Variants in FGD4 observed in about 807,000 individuals in gnomAD.
FGD4 encodes the protein FYVE, RhoGEF and PH domain containing 4, also known as FYVE, RhoGEF and PH domain-containing protein 4.
In FGD4, 42 loss-of-function variants were observed where a neutral mutation model predicts 102.0. That is an observed-to-expected ratio of 0.41 (90% CI 0.32 to 0.53). FGD4 has a LOEUF of 0.53. Ranked by LOEUF, FGD4 falls within the 20% of genes least tolerant of loss-of-function variation. The probability of loss-of-function intolerance (pLI) is 0.21; values close to 1 mark genes in which losing one functional copy is unlikely to be tolerated. For synonymous variants in FGD4, 380 were observed against 375.7 expected (o/e 1.01, Z -0.13); for missense variants, 902 against 1,078.2 (o/e 0.84, Z 2.29).
At position 32,642,930 on chromosome 12, in the gene FGD4, C is replaced by T. The variant is rs1951234964; in HGVS notation, c.*2397C>T. ...ATGATAAGAATAATCAATGCCTTTTCCCTTCCAACATACTTGAGCAGTCAT... is the reference window on the plus strand; with the variant it reads ...ATGATAAGAATAATCAATGCCTTTTTCCTTCCAACATACTTGAGCAGTCAT... On this transcript the variant is annotated 3_prime_UTR_variant, in exon 17 of 17. Coordinates refer to ENST00000534526, the MANE Select transcript of FGD4 (RefSeq NM_001370298.3). 6.6e-6 allele frequency: 1 copy of T among 152,584 alleles called. No individual in the cohort carries two copies. Among genetic ancestry groups the T allele is most frequent in the Admixed American group, 6.5e-5 (1 of 15,286 alleles). The allele number at this position is 152,584 out of a possible 1,614,324, so 9.5% of individuals were successfully genotyped here. A position where few individuals can be genotyped will look rare whatever the true frequency, so the allele number is the denominator to read the frequency against.
chr12:32,599,827 C>T (rs1948250321), intron 5 of FGD4, among the ~76,000 whole-genome samples: 1 of 151,860 alleles, frequency 6.6e-6, no homozygotes, highest in South Asian at 2.1e-4. Flanking sequence ...GGATTACAGG[C>T]GTGAGCCACC....
intron 2 of FGD4, among the ~76,000 whole-genome samples, chr12:32,566,214 A>G (rs998910890): frequency 8.5e-5 from 13 of 152,108 alleles, no homozygotes; most frequent in African/African-American, 1.4e-4. Flanking sequence ...ATAACCTCAC[A>G]GGGTGGAAGG....
rs1293667173 is a variant in FGD4 at position 32,640,926 on chromosome 12, A to G, written c.*393A>G. On this transcript the variant is annotated 3_prime_UTR_variant, in exon 17 of 17. Coordinates refer to ENST00000534526, the MANE Select transcript of FGD4 (RefSeq NM_001370298.3). Reference sequence around the variant, plus strand: ...TTGAAAGATATACCTCCATGTTGCCAAAATAGATCCATGGTGAAAAATACA... The same window carrying G: ...TTGAAAGATATACCTCCATGTTGCCGAAATAGATCCATGGTGAAAAATACA... The G allele has an allele frequency of 8.6e-6, 3 of 348,730 alleles. No individual in the cohort carries two copies. Among genetic ancestry groups the G allele is most frequent in the African/African-American group, 6.3e-5 (3 of 47,448 alleles). The allele number at this position is 348,730 out of a possible 1,614,324, so 21.6% of individuals were successfully genotyped here.
intron 1 of FGD4, among the ~76,000 whole-genome samples, chr12:32,526,782 C>G (rs762081535): frequency 7.2e-5 from 11 of 152,126 alleles, no homozygotes; most frequent in Non-Finnish European, 1.5e-4. Context: ...AGCAAGACCA[C>G]GAGCCCACTG....
chr12:32,596,423 T>A (rs765557659), intron 4 of FGD4, among the ~76,000 whole-genome samples: 13 of 152,250 alleles, frequency 8.5e-5, no homozygotes, highest in Non-Finnish European at 1.8e-4. Context: ...GAGTGATGTG[T>A]TTGGAGGGAA....
intron 1 of FGD4, among the ~76,000 whole-genome samples, chr12:32,488,415 T>C (rs940741979): frequency 1.3e-5 from 2 of 151,916 alleles, no homozygotes; most frequent in African/African-American, 2.4e-5. Flanking sequence ...GATTATACGG[T>C]CAGAATTTGG....
intron 8 of FGD4, 64 bp from the exon 9 acceptor site, chr12:32,610,712 C>G: frequency 1.4e-6 from 2 of 1,438,078 alleles, no homozygotes; most frequent in East Asian, 2.3e-5. Flanking sequence ...GTAAGTTACT[C>G]AGCTATATAG....
intron 1 of FGD4, chr12:32,511,788 T>A (rs1306832019): frequency 6.6e-6 from 1 of 152,178 alleles, no homozygotes; most frequent in East Asian, 1.9e-4. Flanking sequence ...ATCTTTTTTT[T>A]AAGTAAAGCA....
chr12:32,475,347 A>G (rs1321044014), intron 1 of FGD4, among the ~76,000 whole-genome samples: 4 of 152,210 alleles, frequency 2.6e-5, no homozygotes, highest in Non-Finnish European at 5.9e-5. Context: ...GGGGTTCACA[A>G]CATTAGGTAA....
chr12:32,610,955 T>C (rs1350772269), intron 9 of FGD4, 121 bp downstream of exon 9: 13 of 1,299,034 alleles, frequency 1.0e-5, no homozygotes, highest in Non-Finnish European at 1.3e-5. Context: ...AGAATGTTTA[T>C]GAAATGTTTA....
intron 10 of FGD4, among the ~76,000 whole-genome samples, chr12:32,619,350 C>T (rs983274957): frequency 2.6e-5 from 4 of 152,102 alleles, no homozygotes; most frequent in East Asian, 1.9e-4. Flanking sequence ...TGTTTCCAGC[C>T]GGGTGCGGTG....
intron 1 of FGD4, among the ~76,000 whole-genome samples, chr12:32,555,597 A>G (rs10844239): frequency 0.35 from 45,350 of 131,262 alleles, 8,516 homozygotes; most frequent in African/African-American, 0.54. Flanking sequence ...TTCGAGATGG[A>G]GTCTCGCTCT....
At chr12:32,447,698 A>T (rs1942661642) in intron 1 of FGD4, among the ~76,000 whole-genome samples, 1 of 152,228 alleles carries the variant, frequency 6.6e-6, no homozygotes, top group African/African-American at 2.4e-5. Flanking sequence ...ATGCTGAATG[A>T]CTTGCTTTGT....
intron 1 of FGD4, among the ~76,000 whole-genome samples, chr12:32,411,849 C>A (rs2136397185): frequency 6.6e-6 from 1 of 152,216 alleles, no homozygotes; most frequent in African/African-American, 2.4e-5. Flanking sequence ...GTGGCGGGCG[C>A]CTGCAGTCCC....
intron 1 of FGD4, among the ~76,000 whole-genome samples, chr12:32,435,051 C>G (rs937650955): frequency 6.6e-6 from 1 of 151,962 alleles, no homozygotes; most frequent in Admixed American, 6.6e-5. Context: ...TCAAGTGATT[C>G]TCCTGTCTCA....
intron 1 of FGD4, among the ~76,000 whole-genome samples, chr12:32,489,549 G>A (rs1288260047): frequency 6.6e-6 from 1 of 152,170 alleles, no homozygotes; most frequent in Non-Finnish European, 1.5e-5. Flanking sequence ...CAGGTCAGGT[G>A]GAACATTATC....
chr12:32,552,178 C>T (rs1224005926), intron 1 of FGD4, among the ~76,000 whole-genome samples: 2 of 152,222 alleles, frequency 1.3e-5, no homozygotes, highest in African/African-American at 4.8e-5. Flanking sequence ...TCTTTACTCC[C>T]ACTTTCCACT....
chr12:32,488,585 A>AT (rs949891228), intron 1 of FGD4, among the ~76,000 whole-genome samples: 7 of 151,922 alleles, frequency 4.6e-5, no homozygotes, highest in Non-Finnish European at 7.4e-5. Flanking sequence ...CAACAACCTG[A>AT]TTTTTTTTGT....
intron 1 of FGD4, among the ~76,000 whole-genome samples, chr12:32,454,331 A>T (rs968419008): frequency 6.6e-6 from 1 of 152,218 alleles, no homozygotes; most frequent in Non-Finnish European, 1.5e-5. Context: ...GTTCTTTGAA[A>T]TGCAAAATCT....
Sources: allele counts gnomAD v4.1 joint callset (sites outside exome capture counted in the v4.1 genomes callset), GRCh38; gene constraint gnomAD v4.1.1; transcripts MANE v1.5; gene names NCBI Gene and HGNC (gene_info 2026-07-23, HGNC 2026-07-21).